The following USP10 variants were observed in gnomAD, a reference collection of about 807,000 sequenced individuals.
USP10 encodes the protein ubiquitin carboxyl-terminal hydrolase 10.
Under a neutral mutation model 84.5 loss-of-function variants are expected in USP10, and 22 were observed. The observed-to-expected ratio is 0.26, with a 90% confidence interval of 0.19 to 0.37. USP10 has a LOEUF of 0.37. Among genes scored for constraint, USP10 ranks in the 10% least tolerant of loss-of-function variants. The pLI, the probability that USP10 is intolerant of heterozygous loss-of-function variation, is 1.00. For missense variants in USP10, 1,019 were observed against 998.9 expected (o/e 1.02, Z -0.27); for synonymous variants, 454 against 387.6 (o/e 1.17, Z -2.01).
Position 84,779,065 on chromosome 16 carries a change from C to T in USP10, c.2380C>T (p.Arg794Ter), listed in dbSNP as rs762387378. The change falls in exon 14 of 14, where the codon CGA (arginine) becomes TGA (stop). Residue 794 changes from arginine (R) to a stop codon, truncating the protein, a stop_gained. Transcript: ENST00000219473. LOFTEE classifies it high-confidence loss of function. The part of the protein sequence containing the change: ...ERTAYLLYYR[R>*]VDLL Reference sequence around the variant, plus strand: ...CACAGCCTACCTCCTGTATTACCGCCGAGTGGACCTGCTGTAAACCCTGTG... The same window carrying T: ...CACAGCCTACCTCCTGTATTACCGCTGAGTGGACCTGCTGTAAACCCTGTG... 6 of 1,613,696 alleles carry T rather than the reference C, an allele frequency of 3.7e-6. No homozygotes were observed. The highest frequency in any genetic ancestry group is 4.2e-6 in the Non-Finnish European group (5 of 1,179,678).
intron 4 of USP10, among the ~76,000 whole-genome samples, chr16:84,752,675 A>G (rs1912071586): frequency 6.6e-6 from 1 of 152,222 alleles, no homozygotes; most frequent in African/African-American, 2.4e-5. Flanking sequence ...TCACTTGAAC[A>G]TAATTCGGTC....
intron 1 of USP10, among the ~76,000 whole-genome samples, chr16:84,713,089 C>G (rs1405472434): frequency 1.3e-5 from 2 of 152,210 alleles, no homozygotes; most frequent in Non-Finnish European, 2.9e-5. Context: ...TTATGTGTCA[C>G]CAGTGAACAT....
chr16:84,702,328 A>T (rs1200399531), intron 1 of USP10, among the ~76,000 whole-genome samples: 2 of 152,012 alleles, frequency 1.3e-5, no homozygotes, highest in African/African-American at 4.8e-5. Context: ...AAGTGCTGGG[A>T]TTATAGGCGT....
At chr16:84,756,929 A>G (rs527451852) in intron 4 of USP10, among the ~76,000 whole-genome samples, 2 of 152,288 alleles carry the variant, frequency 1.3e-5, no homozygotes, top group East Asian at 1.9e-4. Context: ...AATAAAAGGG[A>G]TTTTTAAGTG....
intron 4 of USP10, 123 bp downstream of exon 4, chr16:84,745,796 A>G (rs971393831): frequency 3.0e-6 from 3 of 1,009,146 alleles, no homozygotes; most frequent in Non-Finnish European, 4.3e-6. Flanking sequence ...CAACGTCTGA[A>G]GGATGCCTAT....
At chr16:84,761,429 C>G (rs12598730) in intron 8 of USP10, among the ~76,000 whole-genome samples, 1 of 152,058 alleles carries the variant, frequency 6.6e-6, no homozygotes, top group East Asian at 1.9e-4. Context: ...CTGGTATACC[C>G]GTGGCTATGG....
chr16:84,776,918 T>C (rs1034937091), intron 13 of USP10, among the ~76,000 whole-genome samples: 1 of 152,232 alleles, frequency 6.6e-6, no homozygotes, highest in Admixed American at 6.5e-5. Flanking sequence ...GTTCAAGTGA[T>C]TCTTGTGCCT....
At chr16:84,730,857 A>T (rs947007445) in intron 1 of USP10, among the ~76,000 whole-genome samples, 1 of 152,164 alleles carries the variant, frequency 6.6e-6, no homozygotes, top group African/African-American at 2.4e-5. Context: ...AATACCTGAT[A>T]ATCCTGCAGA....
intron 2 of USP10, among the ~76,000 whole-genome samples, chr16:84,737,761 T>G (rs1288809439): frequency 6.6e-6 from 1 of 152,184 alleles, no homozygotes; most frequent in Non-Finnish European, 1.5e-5. Flanking sequence ...TCCTCATCTG[T>G]CAGAGGGCCA....
rs765862245 is a variant in USP10 at position 84,778,896 on chromosome 16, G to A, written c.2211G>A (p.Val737=). The A allele has an allele frequency of 2.5e-6, 4 of 1,612,750 alleles. No homozygotes were observed. Among genetic ancestry groups the A allele is most frequent in the Non-Finnish European group, 3.4e-6 (4 of 1,179,336 alleles). Residue 737 remains valine, a splice_region_variant and synonymous_variant, in exon 14 of 14, where the codon GTG becomes GTA. Coordinates refer to ENST00000219473, the MANE Select transcript of USP10 (RefSeq NM_005153.3). Reference sequence around the variant, plus strand: ...GCTGCCTGCTGGGCTCTCTTCCAGTGGTCTACCATCACGGCAACAGTGCGA... The same window carrying A: ...GCTGCCTGCTGGGCTCTCTTCCAGTAGTCTACCATCACGGCAACAGTGCGA... The part of the protein sequence containing the change: ...KCHRTYRLFA[V]VYHHGNSATG...
Position 84,759,951 on chromosome 16 carries a change from G to C in USP10, c.1450+5G>C. ...TACCTCCAAAACCCCGACAAGGTTA[G>C]TAAAAATGAGTTTTGTTGATGCTAT... On this transcript the variant is annotated splice_donor_5th_base_variant and intron_variant, in intron 7 of 13. Transcript: ENST00000219473. 1 of 1,613,866 alleles carries C rather than the reference G, an allele frequency of 6.2e-7. No individual in the cohort carries two copies. The highest frequency in any genetic ancestry group is 8.5e-7 in the Non-Finnish European group (1 of 1,179,744).
chr16:84,733,557 T>C (rs1281370737), intron 2 of USP10, 54 bp downstream of exon 2: 20 of 1,252,096 alleles, frequency 1.6e-5, no homozygotes, highest in Middle Eastern at 2.8e-4. Flanking sequence ...TTAATAGTTA[T>C]GTTTCTATTT....
intron 4 of USP10, among the ~76,000 whole-genome samples, chr16:84,747,291 C>T (rs1361906709): frequency 3.9e-5 from 6 of 152,114 alleles, no homozygotes; most frequent in African/African-American, 1.4e-4. Flanking sequence ...CACCTGACAC[C>T]CTTCATTACC....
At position 84,745,338 on chromosome 16, in the gene USP10, A is replaced by T; in HGVS notation, c.857A>T (p.Asn286Ile). The T allele has an allele frequency of 6.2e-7, 1 of 1,613,082 alleles. No homozygotes were observed. Among genetic ancestry groups the T allele is most frequent in the East Asian group, 2.2e-5 (1 of 44,888 alleles). ...ACTACTGAAAACCTTGGAGTTGCTA[A>T]TGGACAAATACTTGAATCCTCGGGT... ...TDTTENLGVA[N>I]GQILESSGEG... The change falls in exon 4 of 14, where the codon AAT (asparagine) becomes ATT (isoleucine). Residue 286 changes from asparagine (N) to isoleucine (I), a missense_variant. Physicochemically the swap from Asn to Ile is moderately radical, Grantham distance 149 (BLOSUM62 -3). Around this residue, in one of 2 missense-constraint regions of USP10, gnomAD observed 787 missense variants for 708.8 expected, o/e 1.11. Transcript: ENST00000219473.
intron 3 of USP10, among the ~76,000 whole-genome samples, chr16:84,743,802 G>A (rs1235445509): frequency 6.6e-6 from 1 of 152,322 alleles, no homozygotes; most frequent in African/African-American, 2.4e-5. Context: ...GGTTAACTGG[G>A]AAGGAAGTAT....
chr16:84,701,882 T>A (rs1904902159), intron 1 of USP10, among the ~76,000 whole-genome samples: 1 of 151,872 alleles, frequency 6.6e-6, no homozygotes. Flanking sequence ...CTTTTAAGTT[T>A]TAGCATGGAG....
intron 4 of USP10, among the ~76,000 whole-genome samples, chr16:84,754,486 G>A (rs367561903): frequency 6.6e-6 from 1 of 152,124 alleles, no homozygotes. Flanking sequence ...CCAAGGGCCC[G>A]TACGTATGTT....
intron 4 of USP10, among the ~76,000 whole-genome samples, chr16:84,748,461 G>A (rs768032124): frequency 1.3e-5 from 2 of 151,906 alleles, no homozygotes; most frequent in Non-Finnish European, 2.9e-5. Flanking sequence ...CTGGCACCAC[G>A]CCAGGCTAAT....
intron 1 of USP10, among the ~76,000 whole-genome samples, chr16:84,712,170 A>G (rs1021887683): frequency 1.3e-5 from 2 of 152,170 alleles, no homozygotes; most frequent in Non-Finnish European, 2.9e-5. Context: ...TTTTGTGTGT[A>G]TGGCAGGCTT....
Sources: allele counts gnomAD v4.1 joint callset (sites outside exome capture counted in the v4.1 genomes callset), GRCh38; gene constraint gnomAD v4.1.1; regional missense constraint gnomAD v4.1.1; transcripts MANE v1.5; gene names NCBI Gene and HGNC (gene_info 2026-07-23, HGNC 2026-07-21).